Variants in GLRA2 observed in about 807,000 individuals in gnomAD.
GLRA2 encodes the protein glycine receptor subunit alpha-2.
Under a neutral mutation model 31.6 loss-of-function variants are expected in GLRA2, and 11 were observed. That is an observed-to-expected ratio of 0.35 (90% CI 0.22 to 0.58). GLRA2 has a LOEUF of 0.58. Ranked by LOEUF, GLRA2 falls within the 20% of genes least tolerant of loss-of-function variation. The pLI, the probability that GLRA2 is intolerant of heterozygous loss-of-function variation, is 0.84. For missense variants in GLRA2, 212 were observed against 351.8 expected, an observed-to-expected ratio of 0.60 and a Z score of 3.18; for synonymous variants, 132 against 134.0, an observed-to-expected ratio of 0.99 and a Z score of 0.10.
intron 8 of GLRA2, among the ~76,000 whole-genome samples, chrX:14,698,361 AT>A (rs1049225580): frequency 4.6e-5 from 5 of 109,694 alleles, no homozygotes; most frequent in African/African-American, 9.9e-5. Flanking sequence ...GCCTGAGTTA[AT>A]TTTTTTTTAA....
At chrX:14,472,725 C>G in the GLRA2 span, among the ~76,000 whole-genome samples, 3 of 111,389 alleles carry the variant, frequency 2.7e-5, no homozygotes, top group African/African-American at 9.8e-5. Context: ...TATGTTTGGT[C>G]AAATAAGTAG....
chrX:14,591,080 C>T (rs2090140710), intron 4 of GLRA2, among the ~76,000 whole-genome samples: 1 of 112,035 alleles, frequency 8.9e-6, no homozygotes, highest in African/African-American at 3.2e-5. Context: ...GTATGGAAAG[C>T]TTTGTTGAGC....
the GLRA2 span, among the ~76,000 whole-genome samples, chrX:14,481,522 G>C: frequency 9.0e-6 from 1 of 111,380 alleles, no homozygotes; most frequent in East Asian, 2.8e-4. Context: ...TGAGCTCTTC[G>C]ACATTTTAAC....
chrX:14,600,670 T>C (rs932070226), intron 4 of GLRA2, among the ~76,000 whole-genome samples: 8 of 110,945 alleles, frequency 7.2e-5, no homozygotes, highest in Non-Finnish European at 1.5e-4. Flanking sequence ...CAAATACTTA[T>C]TATTTTTTTA....
the GLRA2 span, among the ~76,000 whole-genome samples, chrX:14,456,468 A>T: frequency 9.0e-6 from 1 of 111,567 alleles, no homozygotes; most frequent in African/African-American, 3.2e-5. Flanking sequence ...CCTCCCATCT[A>T]GCTGTTTTGT....
chrX:14,480,778 G>A, the GLRA2 span, among the ~76,000 whole-genome samples: 1 of 111,815 alleles, frequency 8.9e-6, no homozygotes. Flanking sequence ...AATATAGTTT[G>A]AAGTAGGGTA....
In GLRA2 at chrX:14,731,730, A is replaced by ATAAT. The variant is rs1020776182; in HGVS notation, c.*1249_*1252dup. On this transcript the variant is annotated 3_prime_UTR_variant, in exon 9 of 9. Coordinates refer to ENST00000218075, the MANE Select transcript of GLRA2 (RefSeq NM_002063.4). ...ATAAAAGACAACCTGTAAAAATATA[A>ATAAT]TAATTAAATTTTACATGTGCTGTAC... is the stretch of plus-strand genomic sequence containing the variant. 8.9e-6 allele frequency: 1 copy of ATAAT among 112,044 alleles called. No homozygotes were observed. The highest frequency in any genetic ancestry group is 3.2e-5 in the African/African-American group (1 of 30,805). 9.2% of individuals were successfully genotyped at this position (112,044 alleles called of 1,213,427 possible).
chrX:14,510,910 G>A, the GLRA2 span, among the ~76,000 whole-genome samples: 1 of 108,702 alleles, frequency 9.2e-6, no homozygotes, highest in South Asian at 3.9e-4. Flanking sequence ...TAACACTTTG[G>A]TTTTTTTTTA....
At chrX:14,539,416 A>T (rs1429316958) in intron 2 of GLRA2, among the ~76,000 whole-genome samples, 1 of 111,551 alleles carries the variant, frequency 9.0e-6, no homozygotes, top group African/African-American at 3.3e-5. Context: ...CTGCACACTT[A>T]TGACTGACTA....
chrX:14,699,310 A>G (rs892959690), intron 8 of GLRA2, among the ~76,000 whole-genome samples: 2 of 112,084 alleles, frequency 1.8e-5, no homozygotes, highest in Non-Finnish European at 3.8e-5. Flanking sequence ...CCTAATTTCA[A>G]ATGTTTCCAG....
intron 8 of GLRA2, among the ~76,000 whole-genome samples, chrX:14,711,779 G>A (rs181940293): frequency 8.0e-5 from 9 of 112,686 alleles, no homozygotes; most frequent in Non-Finnish European, 1.5e-4. Context: ...TAGTGGCAGA[G>A]CCAAGATTTG....
intron 8 of GLRA2, 129 bp from the exon 9 acceptor site, chrX:14,730,078 G>A (rs944735711): frequency 7.8e-6 from 4 of 511,095 alleles, no homozygotes; most frequent in African/African-American, 2.4e-5. Flanking sequence ...AAGAGAACTC[G>A]CTATTCCAAA....
chrX:14,730,251 TG>T lies in GLRA2; in HGVS notation c.1128del (p.Met377TrpfsTer7). 8.3e-7 allele frequency: 1 copy of T among 1,200,216 alleles called. No homozygotes were observed. ...RESRFNFSGY[G>X]MGHCLQVKDG... ...AAAGTCGTTTTAATTTTAGCGGTTA[TG>T]GGATGGGTCACTGCCTCCAAGTGAA... On this transcript the variant is annotated frameshift_variant, in exon 9 of 9. Transcript: ENST00000218075. LOFTEE classifies it high-confidence loss of function.
chrX:14,526,897 T>A (rs1225822274), upstream of GLRA2, among the ~76,000 whole-genome samples: 1 of 111,152 alleles, frequency 9.0e-6, no homozygotes, highest in Admixed American at 9.6e-5. Flanking sequence ...CTTTAGGAAA[T>A]CCAACTTTTA....
the GLRA2 span, among the ~76,000 whole-genome samples, chrX:14,465,866 G>T: frequency 9.8e-5 from 11 of 111,730 alleles, no homozygotes; most frequent in Non-Finnish European, 2.1e-4. Context: ...GTACAAATAC[G>T]CTGTATGGGA....
chrX:14,560,951 TTTG>T (rs2089724640), intron 2 of GLRA2, among the ~76,000 whole-genome samples: 1 of 111,215 alleles, frequency 9.0e-6, no homozygotes, highest in African/African-American at 3.3e-5. Flanking sequence ...AGAAAACATT[TTTG>T]TTATCTAGGT....
the GLRA2 span, among the ~76,000 whole-genome samples, chrX:14,478,210 C>T: frequency 3.6e-5 from 4 of 110,903 alleles, no homozygotes; most frequent in African/African-American, 1.3e-4. Flanking sequence ...TACTCTAATC[C>T]ATTCCCAAGG....
intron 8 of GLRA2, among the ~76,000 whole-genome samples, chrX:14,715,142 T>G (rs2091767585): frequency 8.9e-6 from 1 of 112,429 alleles, no homozygotes; most frequent in African/African-American, 3.2e-5. Context: ...AGTATGCACT[T>G]TCTTTTAAGA....
At chrX:14,528,657 A>G (rs770713480), upstream of GLRA2, among the ~76,000 whole-genome samples, 2 of 112,124 alleles carry the variant, frequency 1.8e-5, no homozygotes, top group East Asian at 2.8e-4. Context: ...CCTTTAGCCA[A>G]TTTAGGAGAA....
Sources: gnomAD v4.1 joint callset for allele counts (sites outside exome capture counted in the v4.1 genomes callset) on GRCh38, gnomAD v4.1.1 for gene constraint, MANE v1.5 for transcripts, NCBI Gene and HGNC (gene_info 2026-07-23, HGNC 2026-07-21) for gene names.